The following PLPPR5 variants were observed in gnomAD, a reference collection of about 807,000 sequenced individuals.
The protein encoded by PLPPR5 is phospholipid phosphatase related 5.
A neutral mutation model predicts 33.9 loss-of-function variants in PLPPR5; 16 were observed. That is an observed-to-expected ratio of 0.47 (90% confidence interval 0.32 to 0.72). The LOEUF (loss-of-function observed/expected upper bound fraction) is 0.72. Ranked by LOEUF, PLPPR5 falls within the 30% of genes least tolerant of loss-of-function variation. The pLI, the probability that PLPPR5 is intolerant of heterozygous loss-of-function variation, is 0.03. For synonymous variants in PLPPR5, 163 were observed against 150.3 expected (o/e 1.08, Z -0.62); for missense variants, 301 against 406.7 (o/e 0.74, Z 2.23).
chr1:98,923,615 T>C (rs868077100), intron 3 of PLPPR5, among the ~76,000 whole-genome samples: 4 of 152,258 alleles, frequency 2.6e-5, no homozygotes, highest in African/African-American at 7.2e-5. Flanking sequence ...GGCATCTCTC[T>C]AGCCAAGTTC....
intron 5 of PLPPR5, among the ~76,000 whole-genome samples, chr1:98,897,197 T>C (rs1648511827): frequency 6.6e-6 from 1 of 152,242 alleles, no homozygotes; most frequent in African/African-American, 2.4e-5. Context: ...CATTTTTCTG[T>C]ATTTGTCTTA....
In PLPPR5 at chr1:98,981,316, C is replaced by T. The variant is rs190311075; in HGVS notation, c.237+23119G>A. The stretch of plus-strand genomic sequence containing the variant: ...TTGTAATACATTTTTGACTCAACAG[C>T]TTTATGTTCTGAACCTAGCTACCTC... On this transcript the variant is annotated intron_variant, in intron 1 of 5. Transcript: ENST00000263177. 8.8e-4 allele frequency among the ~76,000 whole-genome samples: 134 copies of T among 152,168 alleles called. 1 individual carries two copies. The highest frequency in any genetic ancestry group is 1.5e-3 in the Non-Finnish European group (105 of 67,976).
chr1:98,958,961 C>A (rs1651125811), intron 1 of PLPPR5, among the ~76,000 whole-genome samples: 1 of 152,122 alleles, frequency 6.6e-6, no homozygotes, highest in African/African-American at 2.4e-5. Flanking sequence ...GTACACTGCA[C>A]CCCAACTCAG....
intron 1 of PLPPR5, among the ~76,000 whole-genome samples, chr1:98,975,069 C>A (rs1651798398): frequency 6.6e-6 from 1 of 152,060 alleles, no homozygotes; most frequent in Non-Finnish European, 1.5e-5. Context: ...ACAAGACCTC[C>A]CTGATGCAGC....
chr1:98,913,506 C>A (rs1649230847), intron 5 of PLPPR5, among the ~76,000 whole-genome samples: 1 of 152,096 alleles, frequency 6.6e-6, no homozygotes, highest in Non-Finnish European at 1.5e-5. Flanking sequence ...TATTACACCC[C>A]AAGCCTTTTT....
At chr1:98,908,519 C>G (rs1383679194) in intron 5 of PLPPR5, among the ~76,000 whole-genome samples, 1 of 152,116 alleles carries the variant, frequency 6.6e-6, no homozygotes, top group Admixed American at 6.5e-5. Flanking sequence ...TATCCTGAAG[C>G]CAGCAACACC....
chr1:98,897,958 AAAAAAG>A (rs1333689515), intron 5 of PLPPR5, among the ~76,000 whole-genome samples: 12 of 152,160 alleles, frequency 7.9e-5, no homozygotes, highest in Admixed American at 6.6e-4. Flanking sequence ...AGGAAAGTTA[AAAAAAG>A]AAAAAGTAAA....
intron 1 of PLPPR5, among the ~76,000 whole-genome samples, chr1:98,987,248 G>A (rs1411988031): frequency 6.6e-6 from 1 of 151,788 alleles, no homozygotes; most frequent in Non-Finnish European, 1.5e-5. Context: ...CTCTTATGTA[G>A]TATAAGAGAG....
chr1:98,928,429 T>G (rs1469819171), intron 3 of PLPPR5, among the ~76,000 whole-genome samples: 2 of 150,366 alleles, frequency 1.3e-5, no homozygotes, highest in African/African-American at 4.9e-5. Flanking sequence ...ACTATCTTAT[T>G]ACTAACTTAT....
intron 1 of PLPPR5, among the ~76,000 whole-genome samples, chr1:98,983,918 C>T (rs550306360): frequency 1.1e-4 from 16 of 150,082 alleles, no homozygotes; most frequent in Middle Eastern, 3.5e-3. Flanking sequence ...TCATGTCCTT[C>T]GCCCACTTTT....
chr1:98,965,846 A>G (rs2101237604), intron 1 of PLPPR5, among the ~76,000 whole-genome samples: 1 of 152,346 alleles, frequency 6.6e-6, no homozygotes, highest in Non-Finnish European at 1.5e-5. Flanking sequence ...CAAGAAAACC[A>G]TTTCAGATGT....
At chr1:98,946,348 T>C (rs1244861411) in intron 3 of PLPPR5, among the ~76,000 whole-genome samples, 5 of 152,240 alleles carry the variant, frequency 3.3e-5, no homozygotes, top group Non-Finnish European at 7.3e-5. Flanking sequence ...ACTGCTTCTG[T>C]AATGTCATTT....
chr1:98,911,774 G>A (rs1183978950), intron 5 of PLPPR5, among the ~76,000 whole-genome samples: 1 of 151,624 alleles, frequency 6.6e-6, no homozygotes, highest in Admixed American at 6.6e-5. Flanking sequence ...TAGAGATGGG[G>A]TCAGGGATGG....
intron 1 of PLPPR5, among the ~76,000 whole-genome samples, chr1:98,957,373 C>CA (rs1397154566): frequency 2.6e-5 from 4 of 151,010 alleles, no homozygotes; most frequent in Non-Finnish European, 4.4e-5. Flanking sequence ...AAATTATGAA[C>CA]AAAAATAGAC....
chr1:98,958,988 C>T (rs548158780), intron 1 of PLPPR5, among the ~76,000 whole-genome samples: 2 of 151,504 alleles, frequency 1.3e-5, no homozygotes, highest in East Asian at 3.9e-4. Context: ...ATGCTAAACT[C>T]CCTAGAATGT....
chr1:98,969,158 A>G (rs17119317), intron 1 of PLPPR5, among the ~76,000 whole-genome samples: 28,325 of 152,010 alleles, frequency 0.19, 2,709 homozygotes, highest in East Asian at 0.26. Flanking sequence ...TAGAGCTAGC[A>G]TCTCAGAAAC....
At chr1:98,976,888 C>G (rs1341911551) in intron 1 of PLPPR5, among the ~76,000 whole-genome samples, 2 of 151,830 alleles carry the variant, frequency 1.3e-5, no homozygotes, top group African/African-American at 4.8e-5. Context: ...TATCGTGTGT[C>G]CAGATTCTCT....
chr1:98,921,214 G>T (rs903597007), intron 4 of PLPPR5, among the ~76,000 whole-genome samples: 31 of 152,132 alleles, frequency 2.0e-4, no homozygotes. Flanking sequence ...TTTATAATAA[G>T]AGTATAAATG....
intron 1 of PLPPR5, among the ~76,000 whole-genome samples, chr1:99,003,160 G>T (rs1001811738): frequency 4.9e-4 from 72 of 146,018 alleles, no homozygotes; most frequent in Non-Finnish European, 8.1e-4. Context: ...GCAATTTGAA[G>T]TCAACTATCA....
Sources: gnomAD v4.1 joint callset for allele counts (sites outside exome capture counted in the v4.1 genomes callset) on GRCh38, gnomAD v4.1.1 for gene constraint, MANE v1.5 for transcripts, NCBI Gene and HGNC (gene_info 2026-07-23, HGNC 2026-07-21) for gene names.